Variants in ADGRB3 observed in about 807,000 individuals in gnomAD.
ADGRB3 encodes adhesion G protein-coupled receptor B3.
In ADGRB3, 37 loss-of-function variants were observed where a neutral mutation model predicts 193.4. The observed-to-expected ratio is 0.19, with a 90% CI of 0.15 to 0.25. The LOEUF (loss-of-function observed/expected upper bound fraction) is 0.25, where lower values mean the gene tolerates loss of function less well. Ranked by LOEUF, ADGRB3 falls within the 10% of genes least tolerant of loss-of-function variation. ADGRB3 has a pLI of 1.00. For missense variants in ADGRB3, 1,637 were observed against 1,852.9 expected, an observed-to-expected ratio of 0.88 and a Z score of 2.14; for synonymous variants, 690 against 644.2, an observed-to-expected ratio of 1.07 and a Z score of -1.08.
chr6:68,981,986 A>G (rs957489928), intron 10 of ADGRB3, among the ~76,000 whole-genome samples: 4 of 151,816 alleles, frequency 2.6e-5, no homozygotes, highest in Non-Finnish European at 5.9e-5. Context: ...CAAGCGATCA[A>G]GCGATTCTCC....
At chr6:69,060,752 T>G (rs1219981210) in intron 15 of ADGRB3, among the ~76,000 whole-genome samples, 1 of 151,998 alleles carries the variant, frequency 6.6e-6, no homozygotes, top group Non-Finnish European at 1.5e-5. Context: ...AAAAGGAACT[T>G]ACATCTGTCT....
In ADGRB3 at chr6:68,715,570, T is replaced by C. The variant is rs759512571; in HGVS notation, c.757+76138T>C. On this transcript the variant is annotated intron_variant, in intron 3 of 31. Transcript: ENST00000370598. ...CTCATTGCCTAGCTCATTCTCCCAC[T>C]AATCTTCCATGATATTTCAAAGATT... 3.4e-4 allele frequency among the ~76,000 whole-genome samples: 51 copies of C among 151,888 alleles called. 1 individual carries two copies. In the Middle Eastern group the frequency reaches 0.017, roughly 51 times the overall value.
At chr6:68,843,159 T>C (rs1479100399) in intron 3 of ADGRB3, among the ~76,000 whole-genome samples, 1 of 151,760 alleles carries the variant, frequency 6.6e-6, no homozygotes, top group Admixed American at 6.6e-5. Flanking sequence ...TCATTCAATA[T>C]AGTACTGGAA....
chr6:68,907,881 G>A (rs1766592357), intron 3 of ADGRB3, among the ~76,000 whole-genome samples: 1 of 151,706 alleles, frequency 6.6e-6, no homozygotes, highest in African/African-American at 2.4e-5. Flanking sequence ...CATTTTATAT[G>A]TATCAAGAAA....
At chr6:68,981,821 C>T (rs1413271655) in intron 10 of ADGRB3, among the ~76,000 whole-genome samples, 1 of 150,890 alleles carries the variant, frequency 6.6e-6, no homozygotes, top group Non-Finnish European at 1.5e-5. Context: ...TGGGGTTCTC[C>T]AAAGAATGGA....
intron 20 of ADGRB3, among the ~76,000 whole-genome samples, chr6:69,267,313 T>C (rs1275474518): frequency 1.3e-5 from 2 of 152,098 alleles, no homozygotes; most frequent in Admixed American, 6.6e-5. Context: ...TGGGGAGTGA[T>C]TGACAGCTAG....
chr6:68,912,639 A>G (rs932453029), intron 3 of ADGRB3, among the ~76,000 whole-genome samples: 6 of 151,998 alleles, frequency 3.9e-5, no homozygotes, highest in Non-Finnish European at 8.8e-5. Flanking sequence ...TGTCCTTGCG[A>G]TAGTTTACTG....
At chr6:69,019,233 A>G (rs1039353041) in intron 13 of ADGRB3, among the ~76,000 whole-genome samples, 2 of 152,002 alleles carry the variant, frequency 1.3e-5, no homozygotes, top group African/African-American at 4.8e-5. Flanking sequence ...TGATAATGTT[A>G]CTGTGATTCA....
chr6:69,171,663 A>T (rs1008634302), intron 17 of ADGRB3, among the ~76,000 whole-genome samples: 3 of 152,166 alleles, frequency 2.0e-5, no homozygotes, highest in Non-Finnish European at 4.4e-5. Context: ...ACCTGAGGTG[A>T]CTCAACCTCA....
At chr6:68,994,364 T>C (rs957053187) in intron 11 of ADGRB3, among the ~76,000 whole-genome samples, 15 of 152,196 alleles carry the variant, frequency 9.9e-5, no homozygotes, top group Admixed American at 7.2e-4. Flanking sequence ...AAACATAGTT[T>C]AAAGTTTGTT....
At chr6:69,294,009 T>G (rs2127293707) in intron 20 of ADGRB3, among the ~76,000 whole-genome samples, 1 of 152,238 alleles carries the variant, frequency 6.6e-6, no homozygotes, top group South Asian at 2.1e-4. Flanking sequence ...ATGTTGGTGG[T>G]GGCATCTTCC....
intron 3 of ADGRB3, among the ~76,000 whole-genome samples, chr6:68,836,121 A>G (rs1029275105): frequency 6.6e-6 from 1 of 152,098 alleles, no homozygotes; most frequent in Non-Finnish European, 1.5e-5. Context: ...TTGCTCTTCC[A>G]TGTGGCAAAC....
At chr6:68,659,173 T>C (rs2127286109) in intron 3 of ADGRB3, among the ~76,000 whole-genome samples, 1 of 151,250 alleles carries the variant, frequency 6.6e-6, no homozygotes, top group Admixed American at 6.6e-5. Flanking sequence ...TGCTATTTTC[T>C]TAATTGTGGT....
At chr6:69,276,731 C>G (rs1409564970) in intron 20 of ADGRB3, among the ~76,000 whole-genome samples, 1 of 152,094 alleles carries the variant, frequency 6.6e-6, no homozygotes, top group Non-Finnish European at 1.5e-5. Flanking sequence ...TCCTTTCCTC[C>G]TTTCGTCACT....
At chr6:69,245,832 G>A (rs948187967) in intron 20 of ADGRB3, among the ~76,000 whole-genome samples, 3 of 151,934 alleles carry the variant, frequency 2.0e-5, no homozygotes, top group Non-Finnish European at 4.4e-5. Context: ...CACTTCTTAG[G>A]GCAGGACTAA....
At chr6:69,023,980 C>G (rs1040295792) in intron 13 of ADGRB3, among the ~76,000 whole-genome samples, 1 of 151,822 alleles carries the variant, frequency 6.6e-6, no homozygotes, top group Admixed American at 6.6e-5. Flanking sequence ...ACAAGTATAG[C>G]CCCCAAGTGA....
chr6:69,384,618 A>G (rs1244993787), intron 31 of ADGRB3, among the ~76,000 whole-genome samples: 1 of 152,044 alleles, frequency 6.6e-6, no homozygotes, highest in Non-Finnish European at 1.5e-5. Context: ...AACTATCTGT[A>G]TCTCAGTTTC....
intron 29 of ADGRB3, among the ~76,000 whole-genome samples, chr6:69,367,346 A>G (rs1458437300): frequency 6.6e-6 from 1 of 152,126 alleles, no homozygotes; most frequent in Non-Finnish European, 1.5e-5. Context: ...TCTTTATAGC[A>G]GCATGATTTA....
chr6:68,801,404 C>T (rs534441367), intron 3 of ADGRB3, among the ~76,000 whole-genome samples: 1 of 152,138 alleles, frequency 6.6e-6, no homozygotes, highest in East Asian at 1.9e-4. Flanking sequence ...ATCCCATATC[C>T]AGGCTGGGCG....
Sources: gnomAD v4.1 joint callset for allele counts (sites outside exome capture counted in the v4.1 genomes callset) on GRCh38, gnomAD v4.1.1 for gene constraint, MANE v1.5 for transcripts, NCBI Gene and HGNC (gene_info 2026-07-23, HGNC 2026-07-21) for gene names.